The following FAM135B variants were observed in gnomAD, a reference collection of about 807,000 sequenced individuals.
FAM135B encodes the protein family with sequence similarity 135 member B.
Under a neutral mutation model 127.7 loss-of-function variants are expected in FAM135B, and 43 were observed. The observed-to-expected ratio is 0.34, with a 90% CI of 0.26 to 0.43. The LOEUF (loss-of-function observed/expected upper bound fraction) is 0.43, where lower values mean the gene tolerates loss of function less well. FAM135B is among the 20% of genes least tolerant of loss of function. The pLI is 1.00. For missense variants in FAM135B, 1,558 were observed against 1,725.6 expected (o/e 0.90, Z 1.72); for synonymous variants, 670 against 665.1 (o/e 1.01, Z -0.11).
In FAM135B at chr8:138,181,432, C is replaced by T. The variant is rs77836222; in HGVS notation, c.874-2742G>A. Among the ~76,000 whole-genome samples, 919 of 152,114 alleles carry T rather than the reference C, an allele frequency of 6.0e-3. 4 individuals are homozygous for T. The highest frequency in any genetic ancestry group is 0.01 in the Admixed American group (154 of 15,274). On this transcript the variant is annotated intron_variant, in intron 9 of 19. Transcript: ENST00000395297. ...TGCATCAGCACGTGGCACAACTGCT[C>T]CTGAAAATGCCCCCCACCTCACCTC... is the stretch of plus-strand genomic sequence containing the variant.
At chr8:138,426,540 G>A (rs1317981963) in intron 1 of FAM135B, among the ~76,000 whole-genome samples, 1 of 150,396 alleles carries the variant, frequency 6.6e-6, no homozygotes, top group Non-Finnish European at 1.5e-5. Context: ...TATATATAAT[G>A]TGTATATATA....
At chr8:138,157,662 CAGAG>C (rs1818902426) in intron 12 of FAM135B, among the ~76,000 whole-genome samples, 1 of 152,126 alleles carries the variant, frequency 6.6e-6, no homozygotes, top group African/African-American at 2.4e-5. Flanking sequence ...AACAGACAAA[CAGAG>C]AGCCAAATCA....
At chr8:138,287,231 A>G (rs536795505) in intron 3 of FAM135B, among the ~76,000 whole-genome samples, 20 of 152,316 alleles carry the variant, frequency 1.3e-4, no homozygotes, top group African/African-American at 4.6e-4. Context: ...TATTCAAAGA[A>G]AAAGAAGCAA....
At chr8:138,339,419 C>G (rs1205432276) in intron 2 of FAM135B, among the ~76,000 whole-genome samples, 1 of 150,892 alleles carries the variant, frequency 6.6e-6, no homozygotes, top group Non-Finnish European at 1.5e-5. Flanking sequence ...TTTCCCTGAA[C>G]TCCTCCCCCA....
At chr8:138,342,026 G>A (rs1419385017) in intron 2 of FAM135B, among the ~76,000 whole-genome samples, 2 of 152,288 alleles carry the variant, frequency 1.3e-5, no homozygotes, top group East Asian at 3.9e-4. Flanking sequence ...AAAGCACTCT[G>A]CCAATCATTT....
intron 1 of FAM135B, among the ~76,000 whole-genome samples, chr8:138,417,757 A>T (rs1834250825): frequency 6.6e-6 from 1 of 152,166 alleles, no homozygotes; most frequent in Non-Finnish European, 1.5e-5. Context: ...CCAATTAACT[A>T]AGCCCAAACT....
At chr8:138,309,716 T>C (rs1006449498) in intron 3 of FAM135B, among the ~76,000 whole-genome samples, 6 of 152,224 alleles carry the variant, frequency 3.9e-5, no homozygotes, top group African/African-American at 1.4e-4. Flanking sequence ...AGTGTAGCTA[T>C]GACCAGTACT....
At chr8:138,375,703 T>A (rs1181347814) in intron 1 of FAM135B, among the ~76,000 whole-genome samples, 1 of 152,220 alleles carries the variant, frequency 6.6e-6, no homozygotes, top group Non-Finnish European at 1.5e-5. Context: ...GAGCCTTTTC[T>A]TTTGGCATGT....
rs373563476 is a variant in FAM135B at position 138,152,002 on chromosome 8, C to A, written c.2473G>T (p.Ala825Ser). Residue 825 changes from alanine (A) to serine (S), a missense_variant, in exon 13 of 20, where the codon GCA becomes TCA. Ala to Ser is a moderately conservative substitution (Grantham distance 99). This residue lies in a region of FAM135B where 923 missense variants were observed against 865.3 expected (regional missense o/e 1.07). Coordinates refer to ENST00000395297, the MANE Select transcript of FAM135B (RefSeq NM_015912.4). ...ACTATCTCCACCAGGGGATGGTCTG[C>A]TCCAGCATCTGTTCCAGAGTCACCA... is the stretch of plus-strand genomic sequence containing the variant. Reference protein sequence around the residue: ...LCGDSGTDAGADHPLVEIVLD... With the variant: ...LCGDSGTDAGSDHPLVEIVLD... The A allele has an allele frequency of 4.3e-6, 7 of 1,614,060 alleles. No individual in the cohort carries two copies. In the South Asian group the frequency reaches 6.6e-5, roughly 15 times the overall value.
chr8:138,407,011 A>T (rs142801395), intron 1 of FAM135B, among the ~76,000 whole-genome samples: 57,828 of 144,022 alleles, frequency 0.4, 12,707 homozygotes, highest in African/African-American at 0.57. Flanking sequence ...GAAAACCCCA[A>T]TGTCTCAGCC....
At chr8:138,308,990 C>A (rs897369852) in intron 3 of FAM135B, 1 of 454,650 alleles carries the variant, frequency 2.2e-6, no homozygotes, top group African/African-American at 2.0e-5. Flanking sequence ...TGGCTACTTA[C>A]CTTGTGCTGG....
chr8:138,169,279 A>G (rs1185263304), intron 11 of FAM135B, among the ~76,000 whole-genome samples: 1 of 152,000 alleles, frequency 6.6e-6, no homozygotes, highest in Non-Finnish European at 1.5e-5. Context: ...GAAGGCTGCT[A>G]CAACTTCATA....
chr8:138,271,379 T>G (rs11989334), intron 3 of FAM135B, among the ~76,000 whole-genome samples: 6,598 of 152,292 alleles, frequency 0.043, 305 homozygotes, highest in East Asian at 0.11. Flanking sequence ...GACATAAGTT[T>G]ATGCCTCACC....
chr8:138,155,631 A>AC lies in FAM135B; in HGVS notation c.1259-2416dup, dbSNP rs1258285643. On this transcript the variant is annotated intron_variant, in intron 12 of 19. Coordinates refer to ENST00000395297, the MANE Select transcript of FAM135B (RefSeq NM_015912.4). ...CCAAGCAAATGGAAAACAAAAAAAAACAGGGGTTGCAATCCTAGTCTCTGA... is the reference window on the plus strand; with the variant it reads ...CCAAGCAAATGGAAAACAAAAAAAAACCAGGGGTTGCAATCCTAGTCTCTGA... Among the ~76,000 whole-genome samples the AC allele has an allele frequency of 3.9e-5, 6 of 151,952 alleles. No individual in the cohort carries two copies. The East Asian group carries it at 7.8e-4, about 20-fold the overall frequency.
At chr8:138,155,693 C>A (rs1405332925) in intron 12 of FAM135B, among the ~76,000 whole-genome samples, 1 of 152,084 alleles carries the variant, frequency 6.6e-6, no homozygotes, top group Non-Finnish European at 1.5e-5. Context: ...CCAAAAAAGA[C>A]AAAGAAAGCC....
rs370692468 is a variant in FAM135B at position 138,194,208 on chromosome 8, C to T, written c.873+1050G>A. ...TGCTTGGCATGTGTTTCCCTGTTAT[C>T]GCTACAAGCCAAGTCCCACCCCTTC... On this transcript the variant is annotated intron_variant, in intron 9 of 19. Coordinates refer to ENST00000395297, the MANE Select transcript of FAM135B (RefSeq NM_015912.4). 9.2e-5 allele frequency among the ~76,000 whole-genome samples: 14 copies of T among 152,222 alleles called. No homozygotes were observed. The East Asian group carries it at 1.2e-3, about 13-fold the overall frequency.
chr8:138,138,908 C>A (rs970589158), intron 18 of FAM135B, 78 bp downstream of exon 18: 1 of 912,670 alleles, frequency 1.1e-6, no homozygotes, highest in Non-Finnish European at 1.8e-6. Context: ...ATCAATGTAG[C>A]ATTATATCTC....
intron 7 of FAM135B, among the ~76,000 whole-genome samples, chr8:138,203,331 T>C (rs4404965): frequency 0.74 from 111,984 of 151,928 alleles, 41,596 homozygotes; most frequent in East Asian, 0.82. Context: ...TCTTCCTGAA[T>C]GGACCCCACT....
chr8:138,280,347 A>G (rs528818298), intron 3 of FAM135B, among the ~76,000 whole-genome samples: 38 of 151,890 alleles, frequency 2.5e-4, no homozygotes, highest in African/African-American at 9.2e-4. Context: ...GCAGCTTTAG[A>G]TTCAACTACC....
Sources: allele counts gnomAD v4.1 joint callset (sites outside exome capture counted in the v4.1 genomes callset), GRCh38; gene constraint gnomAD v4.1.1; regional missense constraint gnomAD v4.1.1; transcripts MANE v1.5; gene names NCBI Gene and HGNC (gene_info 2026-07-23, HGNC 2026-07-21).